RIPOR2: variants seen among roughly 807,000 people sequenced by gnomAD.
RIPOR2 encodes rho family-interacting cell polarization regulator 2.
RIPOR2 carries 39 observed loss-of-function variants against 114.5 expected under a neutral mutation model. The observed-to-expected ratio is 0.34, with a 90% CI of 0.26 to 0.44. The LOEUF is 0.44. Among genes scored for constraint, RIPOR2 ranks in the 20% least tolerant of loss-of-function variants. RIPOR2 has a pLI of 1.00. For synonymous variants in RIPOR2, 445 were observed against 484.4 expected (o/e 0.92, Z 1.07); for missense variants, 1,007 against 1,255.1 (o/e 0.80, Z 2.99).
At chr6:24,934,608 T>C (rs1357823842) in intron 1 of RIPOR2, among the ~76,000 whole-genome samples, 2 of 152,224 alleles carry the variant, frequency 1.3e-5, no homozygotes, top group African/African-American at 4.8e-5. Context: ...AAAACCTTAC[T>C]ACTGTTCCTT....
chr6:24,924,339 G>C (rs1770705777), intron 1 of RIPOR2, among the ~76,000 whole-genome samples: 1 of 152,164 alleles, frequency 6.6e-6, no homozygotes, highest in Non-Finnish European at 1.5e-5. Flanking sequence ...AGGTCTAAGG[G>C]CTTCAGATCT....
intron 1 of RIPOR2, chr6:25,024,205 G>A: frequency 6.8e-7 from 1 of 1,476,638 alleles, no homozygotes; most frequent in Admixed American, 1.7e-5. Context: ...GGCCTGGCGA[G>A]AAAGGTGCCC....
chr6:24,904,482 C>G (rs1185699493), intron 1 of RIPOR2, among the ~76,000 whole-genome samples: 1 of 152,210 alleles, frequency 6.6e-6, no homozygotes, highest in Non-Finnish European at 1.5e-5. Context: ...TTGGGCCCAA[C>G]TGGGTAATCC....
At chr6:24,964,408 T>C (rs375536551) in intron 1 of RIPOR2, among the ~76,000 whole-genome samples, 1 of 152,196 alleles carries the variant, frequency 6.6e-6, no homozygotes, top group African/African-American at 2.4e-5. Flanking sequence ...CCTTTTGAGA[T>C]TGGCTTTTTT....
intron 1 of RIPOR2, among the ~76,000 whole-genome samples, chr6:24,935,337 A>G (rs1030931903): frequency 1.4e-5 from 2 of 147,952 alleles, no homozygotes; most frequent in Non-Finnish European, 3.0e-5. Flanking sequence ...AAAAAAAAAA[A>G]AAAAGAGAAG....
intron 1 of RIPOR2, among the ~76,000 whole-genome samples, chr6:24,992,065 C>T (rs576229367): frequency 7.9e-5 from 12 of 152,196 alleles, no homozygotes; most frequent in Admixed American, 4.6e-4. Context: ...GACACTCCAC[C>T]TGGTGGTCAG....
At chr6:24,860,918 G>T in intron 8 of RIPOR2, 55 bp downstream of exon 8, 1 of 1,155,544 alleles carries the variant, frequency 8.7e-7, no homozygotes, top group Non-Finnish European at 1.3e-6. Context: ...ACTTCAAGGA[G>T]CTCTGCACTC....
chr6:24,988,391 C>A (rs1251354947), intron 1 of RIPOR2, among the ~76,000 whole-genome samples: 1 of 152,150 alleles, frequency 6.6e-6, no homozygotes, highest in East Asian at 1.9e-4. Flanking sequence ...CCAGGCTGGT[C>A]TCAAACTGCT....
chr6:24,901,703 G>C (rs1768456454), intron 1 of RIPOR2, among the ~76,000 whole-genome samples: 1 of 152,120 alleles, frequency 6.6e-6, no homozygotes, highest in South Asian at 2.1e-4. Context: ...TGATTGAAGG[G>C]GGAGGGCAGG....
intron 1 of RIPOR2, among the ~76,000 whole-genome samples, chr6:24,983,298 G>C (rs552964754): frequency 6.6e-6 from 1 of 151,768 alleles, no homozygotes; most frequent in South Asian, 2.1e-4. Context: ...TCACTACTGA[G>C]GCTGTATTTC....
chr6:24,913,884 G>A (rs919721739), intron 1 of RIPOR2, among the ~76,000 whole-genome samples: 1 of 152,152 alleles, frequency 6.6e-6, no homozygotes, highest in African/African-American at 2.4e-5. Flanking sequence ...GAAGCCTAGA[G>A]CTTGACAGGC....
At chr6:24,960,137 G>T (rs559492125) in intron 1 of RIPOR2, among the ~76,000 whole-genome samples, 177 of 152,302 alleles carry the variant, frequency 1.2e-3, no homozygotes, top group Non-Finnish European at 2.0e-3. Context: ...AACCAGGTAT[G>T]GAACAGACAC....
intron 1 of RIPOR2, among the ~76,000 whole-genome samples, chr6:24,910,192 A>G (rs1440143728): frequency 6.6e-6 from 1 of 151,928 alleles, no homozygotes; most frequent in Non-Finnish European, 1.5e-5. Flanking sequence ...ATCTTTCCAG[A>G]CACAGATCGG....
intron 1 of RIPOR2, among the ~76,000 whole-genome samples, chr6:25,011,453 T>C (rs1162016486): frequency 6.6e-6 from 1 of 152,236 alleles, no homozygotes; most frequent in Non-Finnish European, 1.5e-5. Flanking sequence ...GTATCTGAAC[T>C]CTAGAATATG....
chr6:25,036,898 C>A (rs376313944), intron 1 of RIPOR2, among the ~76,000 whole-genome samples: 4 of 152,262 alleles, frequency 2.6e-5, no homozygotes, highest in East Asian at 3.9e-4. Flanking sequence ...TGGTGTAAGC[C>A]AGCTGAATGT....
rs1242906223 is a variant in RIPOR2 at position 24,865,314 on chromosome 6, T to C, written c.638A>G (p.Lys213Arg). The C allele has an allele frequency of 2.5e-6, 4 of 1,612,924 alleles. No individual in the cohort carries two copies. Among genetic ancestry groups the C allele is most frequent in the Non-Finnish European group, 1.7e-6 (2 of 1,179,378 alleles). ...ESLTEINRSF[K>R]EYTENMCTIE... Reference sequence around the variant, plus strand: ...AGGGAGTTATACCTCTGTGTACTCCTTGAAGCTCCGATTGATCTCTGTCAG... The same window carrying C: ...AGGGAGTTATACCTCTGTGTACTCCCTGAAGCTCCGATTGATCTCTGTCAG... The change falls in exon 7 of 22, where the codon AAG becomes AGG. Residue 213 changes from lysine to arginine, a missense_variant. By Grantham distance (26) the Lys-to-Arg change is conservative. Coordinates refer to ENST00000643898, the MANE Select transcript of RIPOR2 (RefSeq NM_001286445.3).
In RIPOR2 at chr6:24,842,997, G is replaced by A. The variant is rs572342072; in HGVS notation, c.1722C>T (p.Gly574=). ...SEGSVGGESE[G]CRSFLDGSLE... ...AGCTTCCATCTAGAAAGGATCTGCA[G>A]CCTTCAGATTCTCCACCAACAGAAC... Residue 574 remains glycine (G), a synonymous_variant, in exon 13 of 22, where the codon GGC becomes GGT. Transcript: ENST00000643898. The A allele has an allele frequency of 6.3e-7, 1 of 1,589,706 alleles. No individual in the cohort carries two copies. The highest frequency in any genetic ancestry group is 1.8e-5 in the Admixed American group (1 of 56,620).
intron 1 of RIPOR2, among the ~76,000 whole-genome samples, chr6:24,922,885 A>T (rs1770606430): frequency 6.6e-6 from 1 of 151,484 alleles, no homozygotes; most frequent in East Asian, 1.9e-4. Flanking sequence ...AAAAAAAGGT[A>T]AAATACACAT....
intron 1 of RIPOR2, among the ~76,000 whole-genome samples, chr6:25,017,628 C>A (rs1776079461): frequency 6.6e-6 from 1 of 152,210 alleles, no homozygotes; most frequent in African/African-American, 2.4e-5. Context: ...AGTTTTAGTT[C>A]TTACTTGTTC....
Sources: gnomAD v4.1 joint callset for allele counts (sites outside exome capture counted in the v4.1 genomes callset) on GRCh38, gnomAD v4.1.1 for gene constraint, MANE v1.5 for transcripts, NCBI Gene and HGNC (gene_info 2026-07-23, HGNC 2026-07-21) for gene names.